The following TTC3 variants were observed in gnomAD, a reference collection of about 807,000 sequenced individuals.
TTC3 encodes tetratricopeptide repeat domain 3.
A neutral mutation model predicts 249.6 loss-of-function variants in TTC3; 180 were observed. That is an observed-to-expected ratio of 0.72 (90% CI 0.64 to 0.82). The LOEUF (loss-of-function observed/expected upper bound fraction) is 0.82. Among genes scored for constraint, TTC3 ranks in the 40% least tolerant of loss-of-function variants. TTC3 has a pLI of 0.00. For synonymous variants in TTC3, 717 were observed against 805.0 expected, an observed-to-expected ratio of 0.89 and a Z score of 1.85; for missense variants, 2,061 against 2,398.4, an observed-to-expected ratio of 0.86 and a Z score of 2.94.
At chr21:37,080,769 TA>T (rs2071529144) in intron 1 of TTC3, among the ~76,000 whole-genome samples, 1 of 152,152 alleles carries the variant, frequency 6.6e-6, no homozygotes, top group South Asian at 2.1e-4. Flanking sequence ...CTTTTGGTGC[TA>T]ATTTACCTGG....
chr21:37,164,308 T>G (rs772719453), intron 32 of TTC3, 93 bp downstream of exon 32: 208 of 1,221,136 alleles, frequency 1.7e-4, no homozygotes, highest in Non-Finnish European at 2.2e-4. Context: ...TTTTTAGAGA[T>G]TTTGCCACAT....
rs990280255 is a variant in TTC3 at position 37,152,863 on chromosome 21, T to A, written c.2414-88T>A. The A allele has an allele frequency of 7.9e-5, 85 of 1,082,620 alleles. No individual in the cohort carries two copies. In the African/African-American group the frequency reaches 8.8e-4, roughly 11 times the overall value. The allele number at this position is 1,082,620 out of a possible 1,614,324, so 67.1% of individuals were successfully genotyped here. ...ACAGTATAATCAATCTGAATCATAT[T>A]TTATATTATGTAATTTTGTTATTTC... On this transcript the variant is annotated intron_variant, in intron 26 of 45. Transcript: ENST00000355666.
Position 37,164,047 on chromosome 21 carries a change from C to T in TTC3, c.3171-4C>T, listed in dbSNP as rs1444125690. ...ATTGGGTGTTTTTTGTTGTTATTTA[C>T]CAGCAATCGAAATTCAGATTCTGCA... On this transcript the variant is annotated splice_polypyrimidine_tract_variant and splice_region_variant and intron_variant, in intron 31 of 45. Coordinates refer to ENST00000355666, the Ensembl canonical transcript of TTC3. 4 of 1,598,050 alleles carry T rather than the reference C, an allele frequency of 2.5e-6. No individual in the cohort carries two copies. In the South Asian group the frequency reaches 3.4e-5, roughly 14 times the overall value.
intron 22 of TTC3, among the ~76,000 whole-genome samples, chr21:37,148,276 A>AT (rs2079154997): frequency 6.6e-6 from 1 of 152,222 alleles, no homozygotes; most frequent in Non-Finnish European, 1.5e-5. Context: ...AGAGACCTAA[A>AT]TTTGAGATAA....
intron 21 of TTC3, among the ~76,000 whole-genome samples, chr21:37,147,070 T>A (rs2079044776): frequency 6.6e-6 from 1 of 152,030 alleles, no homozygotes; most frequent in South Asian, 2.1e-4. Flanking sequence ...ATGGGAGTGT[T>A]AGGATTCTGG....
intron 11 of TTC3, among the ~76,000 whole-genome samples, chr21:37,114,795 A>G (rs2075982970): frequency 2.0e-5 from 3 of 152,210 alleles, no homozygotes; most frequent in African/African-American, 2.4e-5. Flanking sequence ...ATGTCCAACA[A>G]TGATAGACTG....
At chr21:37,199,981 C>G (rs1280558929) in intron 44 of TTC3, among the ~76,000 whole-genome samples, 1 of 152,174 alleles carries the variant, frequency 6.6e-6, no homozygotes, top group Non-Finnish European at 1.5e-5. Flanking sequence ...ACCTGGGGAT[C>G]TTCTGGTCAC....
At chr21:37,166,780 A>G (rs1454641221) in intron 33 of TTC3, among the ~76,000 whole-genome samples, 165 bp downstream of exon 33, 3 of 152,374 alleles carry the variant, frequency 2.0e-5, no homozygotes, top group East Asian at 1.9e-4. Context: ...TTTGTGAGGC[A>G]TGACAGGTAA....
At chr21:37,100,117 GAGA>G (rs2074330766) in intron 10 of TTC3, among the ~76,000 whole-genome samples, 1 of 152,148 alleles carries the variant, frequency 6.6e-6, no homozygotes, top group Non-Finnish European at 1.5e-5. Context: ...TGGCTGGGGA[GAGA>G]AGGAGGGAAA....
chr21:37,109,561 C>T (rs915710626), intron 11 of TTC3, among the ~76,000 whole-genome samples: 1 of 152,004 alleles, frequency 6.6e-6, no homozygotes, highest in African/African-American at 2.4e-5. Flanking sequence ...CAAAGCAGCC[C>T]AGAAGCTCGA....
intron 20 of TTC3, among the ~76,000 whole-genome samples, chr21:37,141,892 G>C (rs917149606): frequency 6.6e-6 from 1 of 152,106 alleles, no homozygotes; most frequent in Admixed American, 6.5e-5. Flanking sequence ...ACATCAAAAA[G>C]CTTATCCACC....
chr21:37,101,578 T>C (rs2147759683), intron 10 of TTC3, among the ~76,000 whole-genome samples: 1 of 152,212 alleles, frequency 6.6e-6, no homozygotes, highest in Non-Finnish European at 1.5e-5. Flanking sequence ...TCGCCAGCTC[T>C]GACCCATCCT....
At chr21:37,100,918 G>A (rs577090660) in intron 10 of TTC3, 143 of 152,324 alleles carry the variant, frequency 9.4e-4, no homozygotes, top group African/African-American at 3.2e-3. Flanking sequence ...TCAAGAATCT[G>A]GACAAAGGAA....
Position 37,156,753 on chromosome 21 carries a change from C to CA in TTC3, c.2840dup (p.His947GlnfsTer12). On this transcript the variant is annotated frameshift_variant, in exon 28 of 46. Coordinates refer to ENST00000355666, the Ensembl canonical transcript of TTC3. LOFTEE classifies it high-confidence loss of function. ...TTTCCTCTGGAATGAGAAATATGGT[C>CA]ACAAACTAGACTCTATAGAAGGAAA... The CA allele has an allele frequency of 1.2e-6, 2 of 1,614,016 alleles. No homozygotes were observed. Among genetic ancestry groups the CA allele is most frequent in the South Asian group, 2.2e-5 (2 of 91,064 alleles).
chr21:37,124,498 A>G (rs543018490), intron 13 of TTC3, 121 bp from the exon 14 acceptor site: 1 of 1,044,886 alleles, frequency 9.6e-7, no homozygotes, highest in East Asian at 2.6e-5. Context: ...CACAGGTAGG[A>G]AATCTTTTTA....
chr21:37,096,717 T>A lies in TTC3; in HGVS notation c.845+74T>A, dbSNP rs2835601. The A allele has an allele frequency of 1.0e-5, 12 of 1,190,558 alleles. No individual in the cohort carries two copies. The African/African-American group carries it at 1.7e-4, about 17-fold the overall frequency. 73.7% of individuals were successfully genotyped at this position (1,190,558 alleles called of 1,614,324 possible). ...CATTTTTGGGAAACGTTTCTGTTTT[T>A]CAGGTATACAAGAAAATCCTTGACT... On this transcript the variant is annotated intron_variant, in intron 10 of 45. Coordinates refer to ENST00000355666, the Ensembl canonical transcript of TTC3.
rs1055240220 is a variant in TTC3 at position 37,081,165 on chromosome 21, T to A, written c.-11-6082T>A. The stretch of plus-strand genomic sequence containing the variant: ...GTGGAGTCTTGCTGTGTTGTTAGGC[T>A]GGAGTGCAGTGGCGCCATCTTGGCT... On this transcript the variant is annotated intron_variant, in intron 1 of 45. Coordinates refer to ENST00000355666, the Ensembl canonical transcript of TTC3. Among the ~76,000 whole-genome samples the A allele has an allele frequency of 2.2e-5, 3 of 134,336 alleles. No homozygotes were observed. The Admixed American group carries it at 2.5e-4, about 11-fold the overall frequency. 88.1% of individuals were successfully genotyped at this position (134,336 alleles called of 152,430 possible). A position where few individuals can be genotyped will look rare whatever the true frequency, so the allele number is the denominator to read the frequency against.
chr21:37,080,883 A>G (rs4411798), intron 1 of TTC3, among the ~76,000 whole-genome samples: 67,129 of 151,696 alleles, frequency 0.44, 15,362 homozygotes, highest in Non-Finnish European at 0.51. Flanking sequence ...TAATCTCACC[A>G]GACAACTTCT....
chr21:37,153,598 G>A (rs973150117), intron 27 of TTC3, among the ~76,000 whole-genome samples: 1 of 152,074 alleles, frequency 6.6e-6, no homozygotes, highest in African/African-American at 2.4e-5. Flanking sequence ...CAATTTTTAG[G>A]TTATTTTATA....
Sources: allele counts gnomAD v4.1 joint callset (sites outside exome capture counted in the v4.1 genomes callset), GRCh38; gene constraint gnomAD v4.1.1; transcripts MANE v1.5; gene names NCBI Gene and HGNC (gene_info 2026-07-23, HGNC 2026-07-21).